The following GGT1 variants were observed in gnomAD, a reference collection of about 807,000 sequenced individuals.
GGT1 encodes the protein glutathione hydrolase 1 proenzyme.
GGT1 carries 21 observed loss-of-function variants against 56.0 expected under a neutral mutation model. The ratio of observed to expected loss-of-function variants is 0.38; its 90% CI spans 0.27 to 0.54. The LOEUF is 0.54. Ranked by LOEUF, GGT1 falls within the 20% of genes least tolerant of loss-of-function variation. GGT1 has a pLI of 0.82. For synonymous variants in GGT1, 238 were observed against 342.6 expected (o/e 0.69, Z 3.37); for missense variants, 466 against 787.0 (o/e 0.59, Z 4.88).
intron 5 of GGT1, among the ~76,000 whole-genome samples, chr22:24,613,520 C>T (rs550312493): frequency 3.9e-5 from 6 of 152,110 alleles, no homozygotes; most frequent in East Asian, 1.9e-4. Context: ...GAGGTTGAGG[C>T]GGGCAGACCA....
At chr22:24,604,523 G>A (rs1040446764) in intron 1 of GGT1, among the ~76,000 whole-genome samples, 2 of 152,114 alleles carry the variant, frequency 1.3e-5, no homozygotes, top group Non-Finnish European at 2.9e-5. Context: ...GTTGGAAGTG[G>A]GTGATACTGA....
chr22:24,586,095 C>T, the GGT1 span: 671 of 1,612,574 alleles, frequency 4.2e-4, 1 homozygote, highest in Middle Eastern at 6.6e-4. Flanking sequence ...ACGTTGTTGC[C>T]CAGGTCCACC....
the GGT1 span, chr22:24,588,251 G>A: frequency 1.2e-5 from 20 of 1,613,432 alleles, no homozygotes; most frequent in Non-Finnish European, 1.7e-5. Context: ...CTGGACCCTT[G>A]CTGCTGCTTC....
Position 24,610,307 on chromosome 22 carries a change from C to T in GGT1, c.-232C>T, listed in dbSNP as rs2147315870. ...GCAGAGGGAGGTAACACGGAGTCCC[C>T]CAGAAAGGTCTGGGCTGCGCGTGCT... On this transcript the variant is annotated 5_prime_UTR_variant, in exon 4 of 16. Transcript: ENST00000400382. 3.4e-6 allele frequency: 1 copy of T among 298,360 alleles called. No homozygotes were observed. Among genetic ancestry groups the T allele is most frequent in the African/African-American group, 2.2e-5 (1 of 44,664 alleles). The allele number at this position is 298,360 out of a possible 1,614,324, so 18.5% of individuals were successfully genotyped here.
chr22:24,599,739 C>T (rs923512587), upstream of GGT1, among the ~76,000 whole-genome samples: 13 of 152,172 alleles, frequency 8.5e-5, no homozygotes, highest in African/African-American at 2.9e-4. Context: ...AGGGCGCAGA[C>T]TCGTCAGTGA....
At chr22:24,619,497 AAGCCAAGGCTGCAGTG>A (rs2147439213) in intron 7 of GGT1, among the ~76,000 whole-genome samples, 2 of 152,006 alleles carry the variant, frequency 1.3e-5, no homozygotes, top group East Asian at 3.9e-4. Context: ...TGAGCCTGGG[AAGCCAAGGCTGCAGTG>A]AGCCATGATT....
upstream of GGT1, chr22:24,599,420 G>C (rs923543748): frequency 6.6e-6 from 1 of 152,230 alleles, no homozygotes. Flanking sequence ...GACAAGGGGG[G>C]CCTCTGGAGT....
At chr22:24,627,187 G>A in intron 11 of GGT1, 1 of 1,165,424 alleles carries the variant, frequency 8.6e-7, no homozygotes, top group South Asian at 1.6e-5. Context: ...GTGATTGAAT[G>A]CAGCAAGGGT....
At chr22:24,611,700 G>T (rs1375683006) in intron 5 of GGT1, among the ~76,000 whole-genome samples, 3 of 151,868 alleles carry the variant, frequency 2.0e-5, no homozygotes, top group Non-Finnish European at 4.4e-5. Flanking sequence ...CGCCTCCCAA[G>T]TTCAAGTGAT....
At chr22:24,587,752 G>A in the GGT1 span, among the ~76,000 whole-genome samples, 1 of 152,190 alleles carries the variant, frequency 6.6e-6, no homozygotes, top group African/African-American at 2.4e-5. Flanking sequence ...TTCCCAACAA[G>A]GTACAGGAAA....
At chr22:24,611,573 TCTATCTATCTATCTATCTATCTATCTA>T (rs1457706480) in intron 5 of GGT1, among the ~76,000 whole-genome samples, 8 of 151,650 alleles carry the variant, frequency 5.3e-5, no homozygotes, top group African/African-American at 1.2e-4. Context: ...TATCTATCTA[TCTATCTATCTATCTATCTATCTATCTA>T]CTATCTATCT....
rs1347152391 is a variant in GGT1, at chr22:24,615,120, C to T, written c.375C>T (p.Ser125=). ...FATMFNSSEQ[S]QKGGLSVAVP... is the part of the protein sequence containing the mutation. ...CCATGTTCAACAGCTCGGAGCAGTCCCAGAAGGGTAAGCCATGCGGCAGAC... is the reference window on the plus strand; with the variant it reads ...CCATGTTCAACAGCTCGGAGCAGTCTCAGAAGGGTAAGCCATGCGGCAGAC... Residue 125 remains serine (S), a synonymous_variant, in exon 7 of 16, where the codon TCC becomes TCT. Coordinates refer to ENST00000400382, the MANE Select transcript of GGT1 (RefSeq NM_001288833.2). 3 of 1,610,652 alleles carry T rather than the reference C, an allele frequency of 1.9e-6. No homozygotes were observed. The highest frequency in any genetic ancestry group is 2.2e-4 in the Middle Eastern group (1 of 4,522).
At chr22:24,605,023 C>T (rs1301827210) in intron 1 of GGT1, among the ~76,000 whole-genome samples, 35 of 64,912 alleles carry the variant, frequency 5.4e-4, no homozygotes, top group African/African-American at 3.9e-3. Context: ...TCCTGTATGT[C>T]ATATATATAT....
chr22:24,623,868 C>T lies in GGT1; in HGVS notation c.972C>T (p.Tyr324=), dbSNP rs770009570. ...TCGTAGAGGCTTTCCGGTTTGCCTA[C>T]GCCAAGAGGACCCTGCTTGGGGACC... The part of the protein sequence containing the change: ...HRIVEAFRFA[Y]AKRTLLGDPK... Residue 324 remains tyrosine (Y), a synonymous_variant, in exon 11 of 16, where the codon TAC becomes TAT. Coordinates refer to ENST00000400382, the MANE Select transcript of GGT1 (RefSeq NM_001288833.2). 8.1e-6 allele frequency: 13 copies of T among 1,611,778 alleles called. No homozygotes were observed. The highest frequency in any genetic ancestry group is 3.3e-5 in the South Asian group (3 of 90,948).
At chr22:24,602,157 C>G (rs2045792780), upstream of GGT1, among the ~76,000 whole-genome samples, 2 of 152,300 alleles carry the variant, frequency 1.3e-5, no homozygotes, top group African/African-American at 4.8e-5. Context: ...TCCCCTGCAG[C>G]CCTCACTTCC....
chr22:24,611,831 G>C (rs1229326239), intron 5 of GGT1, among the ~76,000 whole-genome samples: 1 of 149,634 alleles, frequency 6.7e-6, no homozygotes, highest in Admixed American at 6.7e-5. Context: ...TTCCAAGACA[G>C]AGTATCGCTC....
rs1293817662 is a variant in GGT1 at position 24,605,159 on chromosome 22, TTA to T, written c.-429+1638_-429+1639del. Among the ~76,000 whole-genome samples, 2 of 16,904 alleles carry T rather than the reference TTA, an allele frequency of 1.2e-4. 1 individual carries two copies. Among genetic ancestry groups the T allele is most frequent in the Non-Finnish European group, 2.3e-4 (2 of 8,758 alleles). The allele number at this position is 16,904 out of a possible 152,430, so 11.1% of individuals were successfully genotyped here. On this transcript the variant is annotated intron_variant, in intron 1 of 15. Coordinates refer to ENST00000400382, the MANE Select transcript of GGT1 (RefSeq NM_001288833.2). ...TATATAATATATAATATGTATTATA[TTA>T]TATATTATATAATATGTAATATATT...
intron 1 of GGT1, among the ~76,000 whole-genome samples, chr22:24,595,859 A>G (rs1375059438): frequency 6.6e-6 from 1 of 152,196 alleles, no homozygotes; most frequent in Admixed American, 6.5e-5. Flanking sequence ...CTACCCACCC[A>G]GTAGTATTGT....
Position 24,616,756 on chromosome 22 carries a change from A to G in GGT1, c.382+1629A>G, listed in dbSNP as rs2047097598. Among the ~76,000 whole-genome samples, 5 of 151,914 alleles carry G rather than the reference A, an allele frequency of 3.3e-5. 1 individual carries two copies. The South Asian group carries it at 1.0e-3, about 32-fold the overall frequency. ...GAGACGGGTTTTCACTATGTTGCCC[A>G]GGCTGGTCTCGATCTCCTGACCTCG... is the stretch of plus-strand genomic sequence containing the variant. On this transcript the variant is annotated intron_variant, in intron 7 of 15. Transcript: ENST00000400382.
Sources: allele counts gnomAD v4.1 joint callset (sites outside exome capture counted in the v4.1 genomes callset), GRCh38; gene constraint gnomAD v4.1.1; transcripts MANE v1.5; gene names NCBI Gene and HGNC (gene_info 2026-07-23, HGNC 2026-07-21).